PRKG1: variants seen among roughly 807,000 people sequenced by gnomAD.
PRKG1 encodes protein kinase cGMP-dependent 1, also known as cGMP-dependent protein kinase 1.
A neutral mutation model predicts 88.1 loss-of-function variants in PRKG1; 35 were observed. That is an observed-to-expected ratio of 0.40 (90% CI 0.30 to 0.53). The LOEUF (loss-of-function observed/expected upper bound fraction) is 0.53. Among genes scored for constraint, PRKG1 ranks in the 20% least tolerant of loss-of-function variants. The pLI, the probability that PRKG1 is intolerant of heterozygous loss-of-function variation, is 0.59. For missense variants in PRKG1, 540 were observed against 839.8 expected (o/e 0.64, Z 4.41); for synonymous variants, 303 against 292.5 (o/e 1.04, Z -0.37).
chr10:51,183,563 A>G (rs1837407296), intron 2 of PRKG1, among the ~76,000 whole-genome samples: 1 of 152,022 alleles, frequency 6.6e-6, no homozygotes, highest in Admixed American at 6.5e-5. Context: ...GTTGCATTTT[A>G]TAAATGAGTA....
At chr10:51,061,114 A>G (rs961330543) in intron 1 of PRKG1, among the ~76,000 whole-genome samples, 3 of 141,796 alleles carry the variant, frequency 2.1e-5, no homozygotes, top group African/African-American at 8.6e-5. Context: ...TGCTGCTAAT[A>G]AAGACATACC....
At chr10:51,888,860 C>T (rs998094468) in intron 4 of PRKG1, among the ~76,000 whole-genome samples, 1 of 152,046 alleles carries the variant, frequency 6.6e-6, no homozygotes, top group Non-Finnish European at 1.5e-5. Flanking sequence ...AGTTCATATA[C>T]AATTATATGA....
Position 51,937,624 on chromosome 10 carries a change from T to C in PRKG1, c.762+30054T>C, listed in dbSNP as rs563468798. On this transcript the variant is annotated intron_variant, in intron 5 of 17. Coordinates refer to ENST00000373980, the MANE Select transcript of PRKG1 (RefSeq NM_006258.4). ...TACTGTTTAATTTTGTGGTAGTTTA[T>C]CTAACTTCTTAGAAATAATACTTTG... Among the ~76,000 whole-genome samples the C allele has an allele frequency of 4.1e-3, 621 of 152,220 alleles. 6 individuals are homozygous for C. The highest frequency in any genetic ancestry group is 0.014 in the African/African-American group (594 of 41,572).
At chr10:52,250,016 C>CT (rs534503405) in intron 9 of PRKG1, among the ~76,000 whole-genome samples, 3 of 152,120 alleles carry the variant, frequency 2.0e-5, no homozygotes, top group Non-Finnish European at 4.4e-5. Context: ...CAACAGATGT[C>CT]TTTTTTCAGC....
chr10:51,876,566 G>A (rs1334887043), intron 4 of PRKG1, among the ~76,000 whole-genome samples: 3 of 152,158 alleles, frequency 2.0e-5, no homozygotes, highest in Non-Finnish European at 4.4e-5. Flanking sequence ...GGCAAATCAT[G>A]CTTACTTTCA....
chr10:51,872,509 G>A (rs990041022), intron 4 of PRKG1, among the ~76,000 whole-genome samples: 1 of 152,042 alleles, frequency 6.6e-6, no homozygotes, highest in Admixed American at 6.6e-5. Flanking sequence ...ATTCAATAAG[G>A]CATTCTTCCC....
chr10:52,275,681 T>C (rs753542146), intron 12 of PRKG1, among the ~76,000 whole-genome samples: 1 of 152,152 alleles, frequency 6.6e-6, no homozygotes, highest in Non-Finnish European at 1.5e-5. Flanking sequence ...TATGATCCCA[T>C]ATGAATTTTA....
intron 2 of PRKG1, among the ~76,000 whole-genome samples, chr10:51,183,811 T>C (rs1488444766): frequency 6.6e-6 from 1 of 152,232 alleles, no homozygotes; most frequent in African/African-American, 2.4e-5. Flanking sequence ...TGATGCTGAT[T>C]CTAGCAGTGT....
chr10:52,190,839 C>T (rs1205616462), intron 9 of PRKG1, among the ~76,000 whole-genome samples: 3 of 152,156 alleles, frequency 2.0e-5, no homozygotes, highest in Non-Finnish European at 2.9e-5. Flanking sequence ...ACTGCTTTGT[C>T]GAGTTCTTTA....
chr10:51,202,803 T>C (rs1564636612), intron 2 of PRKG1, among the ~76,000 whole-genome samples: 1 of 152,188 alleles, frequency 6.6e-6, no homozygotes, highest in Non-Finnish European at 1.5e-5. Flanking sequence ...GGAGCCATAA[T>C]GTGGCATGCC....
chr10:52,173,237 A>C lies in PRKG1; in HGVS notation c.1076+11274A>C, dbSNP rs1454977700. On this transcript the variant is annotated intron_variant, in intron 9 of 17. Coordinates refer to ENST00000373980, the MANE Select transcript of PRKG1 (RefSeq NM_006258.4). ...TGCTTTATTCAAAAATTTTTTATCA[A>C]ATTGTGTAGTATTGCTTGAAGCTCA... 2.6e-5 allele frequency among the ~76,000 whole-genome samples: 4 copies of C among 152,152 alleles called. No individual in the cohort carries two copies. The East Asian group carries it at 7.7e-4, about 29-fold the overall frequency.
intron 7 of PRKG1, among the ~76,000 whole-genome samples, chr10:52,096,862 A>G (rs1847185215): frequency 6.6e-6 from 1 of 152,138 alleles, no homozygotes; most frequent in South Asian, 2.1e-4. Context: ...ATTCTACTAC[A>G]ATGTAATATT....
intron 3 of PRKG1, among the ~76,000 whole-genome samples, chr10:51,533,617 T>TA (rs34738901): frequency 0.23 from 33,480 of 142,764 alleles, 4,575 homozygotes; most frequent in East Asian, 0.68. Flanking sequence ...CTAAAAGCTT[T>TA]AAAAAAAAAA....
intron 5 of PRKG1, among the ~76,000 whole-genome samples, chr10:52,031,781 T>C (rs114403915): frequency 0.022 from 3,296 of 152,292 alleles, 58 homozygotes; most frequent in African/African-American, 0.052. Flanking sequence ...TGATAGAAGC[T>C]GCAATTATGA....
At chr10:51,226,034 C>T (rs1274872035) in intron 2 of PRKG1, among the ~76,000 whole-genome samples, 1 of 152,008 alleles carries the variant, frequency 6.6e-6, no homozygotes, top group Non-Finnish European at 1.5e-5. Context: ...TGAAACACCG[C>T]CTCTACTAAA....
At chr10:51,640,048 CA>C (rs1839758939) in intron 3 of PRKG1, among the ~76,000 whole-genome samples, 1 of 152,172 alleles carries the variant, frequency 6.6e-6, no homozygotes, top group African/African-American at 2.4e-5. Flanking sequence ...GCACCAAAAG[CA>C]AAATCTCTGA....
chr10:51,132,834 GA>G (rs1350266474), intron 1 of PRKG1, among the ~76,000 whole-genome samples: 1 of 151,558 alleles, frequency 6.6e-6, no homozygotes, highest in Non-Finnish European at 1.5e-5. Context: ...ATAAATAAGT[GA>G]AGTAATGGAT....
At chr10:51,308,097 G>T (rs1841085998) in intron 2 of PRKG1, among the ~76,000 whole-genome samples, 1 of 152,170 alleles carries the variant, frequency 6.6e-6, no homozygotes, top group Non-Finnish European at 1.5e-5. Flanking sequence ...ATATGTATGT[G>T]CTAACTTATC....
At chr10:52,106,911 A>G (rs1847440430) in intron 7 of PRKG1, among the ~76,000 whole-genome samples, 1 of 152,266 alleles carries the variant, frequency 6.6e-6, no homozygotes, top group African/African-American at 2.4e-5. Context: ...AAATTATTCT[A>G]AAGCACCCTT....
Sources: allele counts gnomAD v4.1 joint callset (sites outside exome capture counted in the v4.1 genomes callset), GRCh38; gene constraint gnomAD v4.1.1; transcripts MANE v1.5; gene names NCBI Gene and HGNC (gene_info 2026-07-23, HGNC 2026-07-21).